RAB10: variants seen among roughly 807,000 people sequenced by gnomAD.
RAB10 encodes the protein ras-related protein Rab-10.
In RAB10, 5 loss-of-function variants were observed where a neutral mutation model predicts 25.7. The ratio of observed to expected loss-of-function variants is 0.19; its 90% CI spans 0.10 to 0.41. The LOEUF (loss-of-function observed/expected upper bound fraction) is 0.41, where lower values mean the gene tolerates loss of function less well. RAB10 is among the 10% of genes least tolerant of loss of function. The pLI, the probability that RAB10 is intolerant of heterozygous loss-of-function variation, is 1.00. For synonymous variants in RAB10, 89 were observed against 86.4 expected, an observed-to-expected ratio of 1.03 and a Z score of -0.16; for missense variants, 103 against 245.8, an observed-to-expected ratio of 0.42 and a Z score of 3.89.
At chr2:26,125,993 A>G (rs1417952660) in intron 3 of RAB10, among the ~76,000 whole-genome samples, 4 of 152,080 alleles carry the variant, frequency 2.6e-5, no homozygotes, top group Admixed American at 2.6e-4. Flanking sequence ...TAAGAGTTTT[A>G]TAGTTTGAGG....
intron 1 of RAB10, among the ~76,000 whole-genome samples, chr2:26,083,241 T>G (rs1157509143): frequency 6.6e-6 from 1 of 152,196 alleles, no homozygotes; most frequent in Non-Finnish European, 1.5e-5. Flanking sequence ...TAGACTGTGT[T>G]GTTATATACA....
chr2:26,042,764 G>A (rs1450624202), intron 1 of RAB10: 1 of 151,194 alleles, frequency 6.6e-6, no homozygotes, highest in Non-Finnish European at 1.5e-5. Context: ...GCAAATTTGT[G>A]AATTGTTTCA....
At chr2:26,108,230 A>G (rs1176840225) in intron 2 of RAB10, among the ~76,000 whole-genome samples, 2 of 152,226 alleles carry the variant, frequency 1.3e-5, no homozygotes, top group Non-Finnish European at 2.9e-5. Flanking sequence ...TGTTATAGCC[A>G]AAAACTGGAA....
At chr2:26,122,139 A>C (rs1002184133) in intron 3 of RAB10, among the ~76,000 whole-genome samples, 3 of 152,236 alleles carry the variant, frequency 2.0e-5, no homozygotes, top group Non-Finnish European at 2.9e-5. Flanking sequence ...CTGTAGAATG[A>C]GGTCTGCAGC....
At chr2:26,127,798 G>T (rs1373641760) in intron 4 of RAB10, 52 bp from the exon 5 acceptor site, 3 of 1,361,196 alleles carry the variant, frequency 2.2e-6, no homozygotes, top group Non-Finnish European at 3.2e-6. Flanking sequence ...AAAGTCAGCA[G>T]TTGGCAACCC....
intron 1 of RAB10, among the ~76,000 whole-genome samples, chr2:26,053,743 G>A (rs1666184234): frequency 1.3e-5 from 2 of 151,770 alleles, no homozygotes; most frequent in Non-Finnish European, 2.9e-5. Flanking sequence ...TTTTGAGATG[G>A]AGTCTCACTC....
chr2:26,098,078 CTCTT>C (rs1005740767), intron 1 of RAB10, among the ~76,000 whole-genome samples: 9 of 145,250 alleles, frequency 6.2e-5, no homozygotes, highest in Non-Finnish European at 9.1e-5. Flanking sequence ...TAAAAACTCA[CTCTT>C]TCTTCTTTTT....
chr2:26,035,221 A>G (rs1665740610), intron 1 of RAB10, among the ~76,000 whole-genome samples: 1 of 152,210 alleles, frequency 6.6e-6, no homozygotes, highest in Non-Finnish European at 1.5e-5. Context: ...GTAAATTAGA[A>G]GGGAAGAGTG....
At chr2:26,080,636 T>C (rs553722116) in intron 1 of RAB10, among the ~76,000 whole-genome samples, 1 of 152,226 alleles carries the variant, frequency 6.6e-6, no homozygotes, top group African/African-American at 2.4e-5. Flanking sequence ...TCCTAAATAG[T>C]TGGAACTACA....
At chr2:26,067,972 A>T (rs1666547203) in intron 1 of RAB10, among the ~76,000 whole-genome samples, 1 of 152,236 alleles carries the variant, frequency 6.6e-6, no homozygotes, top group South Asian at 2.1e-4. Context: ...ATATATGTTC[A>T]TCAAGTAAAC....
rs1667112986 is a variant in RAB10, at chr2:26,091,831, GTT to G, written c.128-6828_128-6827del. ...GGCTAGAAAGGTAGGAGAGTCAGGA[GTT>G]TTCATGCAAAAAAGAGTGAAGAATT... On this transcript the variant is annotated intron_variant, in intron 1 of 5. Coordinates refer to ENST00000264710, the MANE Select transcript of RAB10 (RefSeq NM_016131.5). Among the ~76,000 whole-genome samples the G allele has an allele frequency of 3.9e-5, 6 of 152,190 alleles. No homozygotes were observed. In the South Asian group the frequency reaches 1.2e-3, roughly 32 times the overall value.
chr2:26,066,610 A>G (rs1042691829), intron 1 of RAB10, among the ~76,000 whole-genome samples: 4 of 152,180 alleles, frequency 2.6e-5, no homozygotes, highest in Non-Finnish European at 4.4e-5. Flanking sequence ...AGCCCCTTAC[A>G]AAACCATCAG....
intron 1 of RAB10, among the ~76,000 whole-genome samples, chr2:26,072,423 A>G (rs146085738): frequency 0.013 from 1,990 of 151,938 alleles, 31 homozygotes; most frequent in South Asian, 0.039. Flanking sequence ...TAAAAAATAC[A>G]TATATAATAA....
intron 3 of RAB10, among the ~76,000 whole-genome samples, chr2:26,111,765 A>T (rs900008400): frequency 4.6e-5 from 7 of 152,126 alleles, no homozygotes; most frequent in African/African-American, 1.7e-4. Flanking sequence ...TACCACATGA[A>T]CTGGTGTCCT....
At chr2:26,131,124 G>T (rs544151964) in intron 5 of RAB10, among the ~76,000 whole-genome samples, 1 of 149,152 alleles carries the variant, frequency 6.7e-6, no homozygotes, top group African/African-American at 2.5e-5. Context: ...CATTATTAAA[G>T]GTTAAAGTAT....
At chr2:26,127,990 A>G in intron 5 of RAB10, 39 bp downstream of exon 5, 2 of 1,452,540 alleles carry the variant, frequency 1.4e-6, no homozygotes, top group Admixed American at 1.7e-5. Flanking sequence ...GTACCTGAGT[A>G]TCTCTGTTGA....
intron 1 of RAB10, among the ~76,000 whole-genome samples, chr2:26,060,316 G>A (rs1245944612): frequency 1.3e-5 from 2 of 151,598 alleles, no homozygotes; most frequent in East Asian, 3.9e-4. Flanking sequence ...TTTTTCAGAC[G>A]GAGTCTCGCT....
intron 3 of RAB10, among the ~76,000 whole-genome samples, chr2:26,125,017 T>G (rs796790630): frequency 4.5e-4 from 68 of 152,370 alleles, no homozygotes; most frequent in African/African-American, 1.5e-3. Flanking sequence ...CATTGTTGGA[T>G]ATGTGGGTTG....
At chr2:26,093,744 A>G (rs1667155180) in intron 1 of RAB10, among the ~76,000 whole-genome samples, 1 of 152,226 alleles carries the variant, frequency 6.6e-6, no homozygotes, top group South Asian at 2.1e-4. Flanking sequence ...TGATACTAAG[A>G]GGCATTTTCA....
Sources: gnomAD v4.1 joint callset for allele counts (sites outside exome capture counted in the v4.1 genomes callset) on GRCh38, gnomAD v4.1.1 for gene constraint, MANE v1.5 for transcripts, NCBI Gene and HGNC (gene_info 2026-07-23, HGNC 2026-07-21) for gene names.